Variants in GPHN observed in about 807,000 individuals in gnomAD.
The protein encoded by GPHN is gephyrin.
A neutral mutation model predicts 95.5 loss-of-function variants in GPHN; 17 were observed. The ratio of observed to expected loss-of-function variants is 0.18; its 90% confidence interval spans 0.12 to 0.27. GPHN has a LOEUF of 0.27. Among genes scored for constraint, GPHN ranks in the 10% least tolerant of loss-of-function variants. The pLI, the probability that GPHN is intolerant of heterozygous loss-of-function variation, is 1.00. For missense variants in GPHN, 660 were observed against 978.1 expected, an observed-to-expected ratio of 0.67 and a Z score of 4.34; for synonymous variants, 320 against 322.5, an observed-to-expected ratio of 0.99 and a Z score of 0.08.
intron 1 of GPHN, among the ~76,000 whole-genome samples, chr14:66,574,892 C>A (rs150044700): frequency 1.3e-5 from 2 of 152,140 alleles, no homozygotes; most frequent in African/African-American, 4.8e-5. Flanking sequence ...TACACCCCTC[C>A]CCTGTCCTAT....
At chr14:66,661,161 G>T (rs1302175667) in intron 1 of GPHN, among the ~76,000 whole-genome samples, 1 of 152,164 alleles carries the variant, frequency 6.6e-6, no homozygotes, top group Non-Finnish European at 1.5e-5. Flanking sequence ...AAGAAGCATT[G>T]ATCTGTGGGC....
chr14:67,453,010 T>C, the GPHN span, among the ~76,000 whole-genome samples: 1 of 152,194 alleles, frequency 6.6e-6, no homozygotes, highest in Non-Finnish European at 1.5e-5. Context: ...GGGGTCTCCC[T>C]TGGTCAAGCC....
At chr14:67,636,761 G>T in the GPHN span, among the ~76,000 whole-genome samples, 1 of 152,186 alleles carries the variant, frequency 6.6e-6, no homozygotes. Context: ...AAGCAACAAG[G>T]CTGTGCCAGT....
intron 1 of GPHN, among the ~76,000 whole-genome samples, chr14:66,611,035 G>A (rs760429194): frequency 1.1e-4 from 16 of 152,064 alleles, no homozygotes; most frequent in Non-Finnish European, 2.1e-4. Context: ...GCACAGATGG[G>A]CCTAGGAGAA....
intron 3 of GPHN, among the ~76,000 whole-genome samples, chr14:66,820,868 A>G (rs1420650562): frequency 6.6e-6 from 1 of 152,084 alleles, no homozygotes; most frequent in Non-Finnish European, 1.5e-5. Flanking sequence ...TTTATGACAT[A>G]TTAGGAGGGG....
At chr14:66,747,888 A>T (rs1216665398) in intron 2 of GPHN, among the ~76,000 whole-genome samples, 1 of 152,098 alleles carries the variant, frequency 6.6e-6, no homozygotes, top group Non-Finnish European at 1.5e-5. Context: ...ATGCCAAATT[A>T]TTTACTTAGG....
At chr14:66,875,322 A>G (rs1292410289) in intron 4 of GPHN, among the ~76,000 whole-genome samples, 2 of 152,212 alleles carry the variant, frequency 1.3e-5, no homozygotes, top group Non-Finnish European at 2.9e-5. Context: ...TGTAAAGACC[A>G]TCGACACTGT....
chr14:66,534,510 C>CAT lies in GPHN; in HGVS notation c.64+25920_64+25921dup, dbSNP rs562585081. On this transcript the variant is annotated intron_variant, in intron 1 of 22. Coordinates refer to ENST00000478722, the MANE Select transcript of GPHN (RefSeq NM_020806.5). Reference sequence around the variant, plus strand: ...CATTATTTATTCTTCTGTTAATGGACATTTGAATTGTTTCTAATTTTTGAC... The same window carrying CAT: ...CATTATTTATTCTTCTGTTAATGGACATATTTGAATTGTTTCTAATTTTTGAC... Among the ~76,000 whole-genome samples, 75 of 152,174 alleles carry CAT rather than the reference C, an allele frequency of 4.9e-4. 1 individual carries two copies. In the East Asian group the frequency reaches 0.011, roughly 23 times the overall value.
At chr14:67,571,620 C>G in the GPHN span, 1 of 801,506 alleles carries the variant, frequency 1.2e-6, no homozygotes, top group Non-Finnish European at 2.1e-6. Context: ...TTACACTGGA[C>G]AGTTGTCTGT....
At chr14:66,722,181 A>G (rs891445108) in intron 2 of GPHN, among the ~76,000 whole-genome samples, 17 of 152,136 alleles carry the variant, frequency 1.1e-4, no homozygotes, top group Non-Finnish European at 1.9e-4. Context: ...TAACATTGAA[A>G]GGATTCCGCT....
chr14:67,723,917 A>G, the GPHN span, among the ~76,000 whole-genome samples: 171 of 152,334 alleles, frequency 1.1e-3, no homozygotes, highest in African/African-American at 3.9e-3. Flanking sequence ...CTCTAATACA[A>G]TGGCTGAAAG....
chr14:67,417,319 G>T, the GPHN span, among the ~76,000 whole-genome samples: 4 of 152,268 alleles, frequency 2.6e-5, no homozygotes, highest in South Asian at 8.3e-4. Context: ...TATGTAGTGC[G>T]GTGCCTGGGA....
the GPHN span, among the ~76,000 whole-genome samples, chr14:67,355,492 A>C: frequency 6.7e-6 from 1 of 149,682 alleles, no homozygotes. Context: ...ACTAGAAATA[A>C]AATGTCATAC....
At chr14:67,286,941 C>T in the GPHN span, among the ~76,000 whole-genome samples, 5 of 144,516 alleles carry the variant, frequency 3.5e-5, no homozygotes, top group East Asian at 2.1e-4. Flanking sequence ...TTTATGGCTG[C>T]GCGTGGTGGC....
the GPHN span, among the ~76,000 whole-genome samples, chr14:67,251,341 TG>T: frequency 6.6e-6 from 1 of 152,156 alleles, no homozygotes; most frequent in East Asian, 1.9e-4. Flanking sequence ...GAGACCAACC[TG>T]GGCAACACAG....
chr14:66,943,999 G>A (rs532516256), intron 8 of GPHN, among the ~76,000 whole-genome samples: 10 of 152,048 alleles, frequency 6.6e-5, no homozygotes, highest in African/African-American at 9.7e-5. Context: ...ATTGAGGGTG[G>A]CAAGACAAAC....
At chr14:67,323,507 G>A in the GPHN span, among the ~76,000 whole-genome samples, 1 of 151,504 alleles carries the variant, frequency 6.6e-6, no homozygotes, top group African/African-American at 2.4e-5. Context: ...CCTAGCTACT[G>A]GGGATGCTGA....
chr14:67,557,459 C>A, the GPHN span: 60 of 1,590,698 alleles, frequency 3.8e-5, no homozygotes, highest in South Asian at 2.5e-4. Context: ...CCCTCTTCGA[C>A]ATCTGTACTG....
At chr14:66,783,226 C>T (rs968512188) in intron 3 of GPHN, among the ~76,000 whole-genome samples, 6 of 152,180 alleles carry the variant, frequency 3.9e-5, no homozygotes, top group African/African-American at 1.4e-4. Flanking sequence ...TTCCACATCA[C>T]CCCCTGCCAT....
Sources: gnomAD v4.1 joint callset for allele counts (sites outside exome capture counted in the v4.1 genomes callset) on GRCh38, gnomAD v4.1.1 for gene constraint, MANE v1.5 for transcripts, NCBI Gene and HGNC (gene_info 2026-07-23, HGNC 2026-07-21) for gene names.